The following CEMIP variants were observed in gnomAD, a reference collection of about 807,000 sequenced individuals.
The protein encoded by CEMIP is cell migration inducing hyaluronidase 1.
A neutral mutation model predicts 156.9 loss-of-function variants in CEMIP; 105 were observed. The observed-to-expected ratio is 0.67, with a 90% CI of 0.57 to 0.79. CEMIP has a LOEUF of 0.79. Among genes scored for constraint, CEMIP ranks in the 30% least tolerant of loss-of-function variants. The pLI, the probability that CEMIP is intolerant of heterozygous loss-of-function variation, is 0.00. For synonymous variants in CEMIP, 676 were observed against 668.4 expected (o/e 1.01, Z -0.17); for missense variants, 1,457 against 1,769.4 (o/e 0.82, Z 3.17).
chr15:80,818,682 A>T (rs1056827411), intron 1 of CEMIP, among the ~76,000 whole-genome samples: 3 of 152,240 alleles, frequency 2.0e-5, no homozygotes, highest in African/African-American at 7.2e-5. Context: ...TACTGCAGAC[A>T]GACTGGAGAA....
At chr15:80,810,349 G>T (rs1398930046) in intron 1 of CEMIP, among the ~76,000 whole-genome samples, 5 of 151,978 alleles carry the variant, frequency 3.3e-5, no homozygotes, top group Non-Finnish European at 7.4e-5. Context: ...TTTCTTTTTT[G>T]AGTCACCTGT....
intron 12 of CEMIP, chr15:80,901,023 A>G: frequency 2.2e-6 from 1 of 453,148 alleles, no homozygotes; most frequent in Non-Finnish European, 4.4e-6. Flanking sequence ...CATCTAAAAA[A>G]AAATTTCAAA....
chr15:80,880,988 A>G lies in CEMIP; in HGVS notation c.469A>G (p.Lys157Glu), dbSNP rs768399715. 8.1e-6 allele frequency: 13 copies of G among 1,614,098 alleles called. No individual in the cohort carries two copies. In the African/African-American group the frequency reaches 1.6e-4, roughly 20 times the overall value. The change falls in exon 6 of 30, where the codon AAA (lysine) becomes GAA (glutamate). Residue 157 changes from lysine to glutamate, a missense_variant. This residue lies in a region of CEMIP where 309 missense variants were observed against 340.8 expected (regional missense o/e 0.91). Transcript: ENST00000394685. ...KGGALELHGQ[K>E]KLSWTFLNKT... ...AGGCGCTCTTGAGTTGCATGGACAG[A>G]AAAAGCTCTCCTGGACATTTCTGAA...
At chr15:80,804,612 T>A (rs532711114) in intron 1 of CEMIP, among the ~76,000 whole-genome samples, 1 of 152,176 alleles carries the variant, frequency 6.6e-6, no homozygotes, top group Admixed American at 6.5e-5. Context: ...GCTCCAGATG[T>A]CCCAGGAGAG....
chr15:80,848,705 G>A (rs1311883901), intron 1 of CEMIP, among the ~76,000 whole-genome samples: 14 of 152,174 alleles, frequency 9.2e-5, no homozygotes, highest in Admixed American at 9.2e-4. Flanking sequence ...AAGAAGGGGT[G>A]CAGGAAGCTG....
At chr15:80,925,851 A>G (rs372337240) in intron 19 of CEMIP, 96 bp downstream of exon 19, 12 of 1,501,808 alleles carry the variant, frequency 8.0e-6, no homozygotes, top group Middle Eastern at 2.4e-4. Context: ...AGAGAGGGGA[A>G]GCCAGACATA....
intron 1 of CEMIP, among the ~76,000 whole-genome samples, chr15:80,861,005 G>A (rs1431356251): frequency 6.6e-6 from 1 of 151,972 alleles, no homozygotes; most frequent in Non-Finnish European, 1.5e-5. Context: ...GTAGCTCTTT[G>A]TGTGATCAGA....
chr15:80,809,762 C>A (rs1271257510), intron 1 of CEMIP, among the ~76,000 whole-genome samples: 1 of 152,206 alleles, frequency 6.6e-6, no homozygotes, highest in African/African-American at 2.4e-5. Flanking sequence ...AAGTCCATTT[C>A]CATGTTTGTT....
In CEMIP at chr15:80,947,003, C is replaced by T; in HGVS notation, c.3896C>T (p.Ser1299Phe). ...ATGGCATCAAAGGGAAGATACGTCT[C>T]CAGAGGCCCATGGACCAGAGTGCTG... ...VLMASKGRYV[S>F]RGPWTRVLEK... Residue 1299 changes from serine to phenylalanine, a missense_variant, in exon 29 of 30, where the codon TCC (serine) becomes TTC (phenylalanine). Coordinates refer to ENST00000394685, the MANE Select transcript of CEMIP (RefSeq NM_001293298.2). 6.2e-7 allele frequency: 1 copy of T among 1,613,990 alleles called. No individual in the cohort carries two copies. The highest frequency in any genetic ancestry group is 8.5e-7 in the Non-Finnish European group (1 of 1,179,862).
intron 1 of CEMIP, among the ~76,000 whole-genome samples, chr15:80,862,142 C>G (rs1898001432): frequency 6.6e-6 from 1 of 152,166 alleles, no homozygotes; most frequent in Admixed American, 6.5e-5. Context: ...AGTTGGGACT[C>G]GGGTCAACTT....
chr15:80,843,548 C>T (rs1423860139), intron 1 of CEMIP, among the ~76,000 whole-genome samples: 1 of 152,250 alleles, frequency 6.6e-6, no homozygotes. Context: ...CAGGTGCTTC[C>T]TTCACCCACC....
At chr15:80,838,822 G>T (rs561680303) in intron 1 of CEMIP, among the ~76,000 whole-genome samples, 100 of 152,304 alleles carry the variant, frequency 6.6e-4, no homozygotes, top group African/African-American at 2.3e-3. Context: ...GTTCAGACAG[G>T]TTGGGCAACT....
intron 1 of CEMIP, among the ~76,000 whole-genome samples, chr15:80,869,796 A>G (rs1232063934): frequency 1.3e-5 from 2 of 152,190 alleles, no homozygotes; most frequent in Admixed American, 6.5e-5. Flanking sequence ...CCTCACAACA[A>G]TAGCTCATGG....
chr15:80,869,183 A>T (rs1302272924), intron 1 of CEMIP, among the ~76,000 whole-genome samples: 1 of 152,152 alleles, frequency 6.6e-6, no homozygotes, highest in Non-Finnish European at 1.5e-5. Flanking sequence ...TGAGGACACC[A>T]GTCATATTGG....
At chr15:80,798,188 A>G (rs979829276) in intron 1 of CEMIP, among the ~76,000 whole-genome samples, 1 of 152,204 alleles carries the variant, frequency 6.6e-6, no homozygotes, top group Non-Finnish European at 1.5e-5. Flanking sequence ...GAAGATAGAC[A>G]CTATAGGAAT....
intron 1 of CEMIP, among the ~76,000 whole-genome samples, chr15:80,844,130 G>A (rs1197125699): frequency 6.6e-6 from 1 of 152,218 alleles, no homozygotes; most frequent in African/African-American, 2.4e-5. Flanking sequence ...CATCGCTCAG[G>A]CGGGTCCACA....
chr15:80,946,627 C>A, intron 28 of CEMIP: 1 of 329,402 alleles, frequency 3.0e-6, no homozygotes, highest in Admixed American at 3.8e-5. Flanking sequence ...TATCGAAGTC[C>A]TACTGTGTGC....
intron 1 of CEMIP, among the ~76,000 whole-genome samples, chr15:80,825,781 C>T (rs1194258033): frequency 6.6e-6 from 1 of 152,152 alleles, no homozygotes; most frequent in African/African-American, 2.4e-5. Context: ...CAGGATGACC[C>T]CTCGGGCTTT....
chr15:80,923,487 G>A (rs1900548512), intron 17 of CEMIP, among the ~76,000 whole-genome samples: 1 of 152,146 alleles, frequency 6.6e-6, no homozygotes, highest in Non-Finnish European at 1.5e-5. Context: ...AGCAGGTGTG[G>A]AGAGGCTGGA....
Sources: gnomAD v4.1 joint callset for allele counts (sites outside exome capture counted in the v4.1 genomes callset) on GRCh38, gnomAD v4.1.1 for gene constraint, gnomAD v4.1.1 regional missense constraint, MANE v1.5 for transcripts, NCBI Gene and HGNC (gene_info 2026-07-23, HGNC 2026-07-21) for gene names.